PRIM1: variants seen among roughly 807,000 people sequenced by gnomAD.
PRIM1 encodes the protein DNA primase subunit 1.
A neutral mutation model predicts 60.2 loss-of-function variants in PRIM1; 38 were observed. The ratio of observed to expected loss-of-function variants is 0.63; its 90% CI spans 0.49 to 0.83. PRIM1 has a LOEUF of 0.83. Among genes scored for constraint, PRIM1 ranks in the 40% least tolerant of loss-of-function variants. The pLI is 0.00. For synonymous variants in PRIM1, 158 were observed against 160.2 expected (o/e 0.99, Z 0.10); for missense variants, 388 against 506.2 (o/e 0.77, Z 2.24).
At position 56,743,101 on chromosome 12, in the gene PRIM1, A is replaced by G. The variant is rs1374540764; in HGVS notation, c.639-5T>C. 6.6e-7 allele frequency: 1 copy of G among 1,517,694 alleles called. No homozygotes were observed. The highest frequency in any genetic ancestry group is 2.4e-5 in the Admixed American group (1 of 42,250). 94.0% of individuals were successfully genotyped at this position (1,517,694 alleles called of 1,614,324 possible). ...TTTATTATGTTTATAGATTTTCTGT[A>G]AGAACAACAATAACAACAGAGTCCC... On this transcript the variant is annotated splice_region_variant and splice_polypyrimidine_tract_variant and intron_variant, in intron 6 of 12. Transcript: ENST00000338193.
At chr12:56,731,871 G>A in intron 12 of PRIM1, 137 bp from the exon 13 acceptor site, 1 of 698,608 alleles carries the variant, frequency 1.4e-6, no homozygotes, top group Non-Finnish European at 2.3e-6. Context: ...ATTTGCTGAA[G>A]TCCACATCAT....
chr12:56,750,921 A>C, intron 2 of PRIM1, 117 bp downstream of exon 2: 1 of 626,990 alleles, frequency 1.6e-6, no homozygotes, highest in Non-Finnish European at 2.4e-6. Flanking sequence ...AACAATTAAA[A>C]AGTGGCTTTT....
intron 11 of PRIM1, among the ~76,000 whole-genome samples, chr12:56,734,661 G>A (rs1226495398): frequency 4.7e-5 from 7 of 149,876 alleles, no homozygotes; most frequent in African/African-American, 1.2e-4. Flanking sequence ...TCCCAGCCTC[G>A]GCCTCTGAAA....
intron 12 of PRIM1, among the ~76,000 whole-genome samples, chr12:56,732,248 G>C (rs1953789830): frequency 6.6e-6 from 1 of 151,958 alleles, no homozygotes; most frequent in African/African-American, 2.4e-5. Flanking sequence ...TTTCTTTCCA[G>C]TTATTATATG....
intron 12 of PRIM1, among the ~76,000 whole-genome samples, chr12:56,732,567 GC>G (rs1953791760): frequency 1.3e-5 from 2 of 151,994 alleles, no homozygotes; most frequent in South Asian, 2.1e-4. Context: ...TTCCTATTAA[GC>G]CCAAAACCAA....
At chr12:56,734,814 C>G (rs1359385077) in intron 11 of PRIM1, among the ~76,000 whole-genome samples, 1 of 127,108 alleles carries the variant, frequency 7.9e-6, no homozygotes, top group South Asian at 2.5e-4. Flanking sequence ...CATATATTTT[C>G]TTTTTTTTTT....
At chr12:56,750,062 T>C (rs566908114) in intron 2 of PRIM1, among the ~76,000 whole-genome samples, 1 of 152,116 alleles carries the variant, frequency 6.6e-6, no homozygotes, top group East Asian at 1.9e-4. Flanking sequence ...AGTATAGAAA[T>C]GGGTTTTAGG....
chr12:56,740,823 C>CT (rs1034185655), intron 9 of PRIM1, among the ~76,000 whole-genome samples: 4 of 151,008 alleles, frequency 2.6e-5, no homozygotes, highest in East Asian at 1.9e-4. Context: ...TTCTTTTTTT[C>CT]TTTTTTTTGA....
chr12:56,745,615 A>T, intron 5 of PRIM1, among the ~76,000 whole-genome samples: 1 of 152,146 alleles, frequency 6.6e-6, no homozygotes, highest in Non-Finnish European at 1.5e-5. Flanking sequence ...TATTGGTAAG[A>T]TCATTTACTC....
chr12:56,746,888 A>C, intron 3 of PRIM1, 34 bp from the exon 4 acceptor site: 3 of 1,613,088 alleles, frequency 1.9e-6, no homozygotes, highest in Non-Finnish European at 2.5e-6. Context: ...ATTGTCAGTG[A>C]TACCACCCAC....
At position 56,746,936 on chromosome 12, in the gene PRIM1, T is replaced by G. The variant is rs1331499293; in HGVS notation, c.358A>C (p.Arg120=). 1 of 1,613,634 alleles carries G rather than the reference T, an allele frequency of 6.2e-7. No homozygotes were observed. Among genetic ancestry groups the G allele is most frequent in the African/African-American group, 1.3e-5 (1 of 74,996 alleles). Residue 120 remains arginine (R), a synonymous_variant, in exon 3 of 13, where the codon AGA becomes CGA. Coordinates refer to ENST00000338193, the MANE Select transcript of PRIM1 (RefSeq NM_000946.3). ...ACACACAGTGCTCACCTACAACATC[T>G]CCTCACATCGTCATAGTCTGTCATG... The part of the protein sequence containing the change: ...IDMTDYDDVR[R]CCSSADICPK...
Position 56,734,197 on chromosome 12 carries a change from A to T in PRIM1, c.1193T>A (p.Phe398Tyr), listed in dbSNP as rs1389068270. 3.7e-6 allele frequency: 6 copies of T among 1,609,000 alleles called. No individual in the cohort carries two copies. The highest frequency in any genetic ancestry group is 5.1e-6 in the Non-Finnish European group (6 of 1,176,124). Reference protein sequence around the residue: ...LAPYVKVFEHFLENLDKSRKG... With the variant: ...LAPYVKVFEHYLENLDKSRKG... Reference sequence around the variant, plus strand: ...TCGGGATTTATCCAGATTTTCAAGAAAATGTTCAAAAACTTTCACATAAGG... The same window carrying T: ...TCGGGATTTATCCAGATTTTCAAGATAATGTTCAAAAACTTTCACATAAGG... The change falls in exon 12 of 13, where the codon TTT (phenylalanine) becomes TAT (tyrosine). Residue 398 changes from phenylalanine to tyrosine, a missense_variant. Transcript: ENST00000338193.
At chr12:56,736,298 T>TTA (rs1555228525) in intron 11 of PRIM1, among the ~76,000 whole-genome samples, 5 of 24,316 alleles carry the variant, frequency 2.1e-4, no homozygotes, top group East Asian at 1.7e-3. Flanking sequence ...ACTCTTTCTC[T>TTA]AAAAAAAAAA....
chr12:56,749,994 A>G (rs919419700), intron 2 of PRIM1, among the ~76,000 whole-genome samples: 1 of 152,122 alleles, frequency 6.6e-6, no homozygotes, highest in Non-Finnish European at 1.5e-5. Flanking sequence ...GTTTTAGTAG[A>G]CCTCACTGAG....
chr12:56,735,619 T>C (rs1023028018), intron 11 of PRIM1, among the ~76,000 whole-genome samples: 1 of 151,968 alleles, frequency 6.6e-6, no homozygotes, highest in South Asian at 2.1e-4. Context: ...CACGCCCTTT[T>C]GGAGATTATT....
In PRIM1 at chr12:56,744,109, A is replaced by C; in HGVS notation, c.594T>G (p.Val198=). Reference sequence around the variant, plus strand: ...TTTCACTTAGGTGAACTTTCTTTTTAACGTCTTGACCACCCTGAAAAATAA... The same window carrying C: ...TTTCACTTAGGTGAACTTTCTTTTTCACGTCTTGACCACCCTGAAAAATAA... ...YLSLVKGGQD[V]KKKVHLSEKI... Residue 198 remains valine (V), a synonymous_variant, in exon 6 of 13, where the codon GTT becomes GTG. Coordinates refer to ENST00000338193, the MANE Select transcript of PRIM1 (RefSeq NM_000946.3). The C allele has an allele frequency of 6.4e-7, 1 of 1,565,984 alleles. No homozygotes were observed. Among genetic ancestry groups the C allele is most frequent in the South Asian group, 1.2e-5 (1 of 85,262 alleles).
intron 12 of PRIM1, among the ~76,000 whole-genome samples, chr12:56,732,568 C>T (rs897177793): frequency 8.5e-5 from 13 of 152,120 alleles, no homozygotes; most frequent in African/African-American, 2.9e-4. Flanking sequence ...TCCTATTAAG[C>T]CCAAAACCAA....
At chr12:56,744,566 T>C (rs1188031685) in intron 5 of PRIM1, among the ~76,000 whole-genome samples, 1 of 152,148 alleles carries the variant, frequency 6.6e-6, no homozygotes. Flanking sequence ...TTTCTATGTT[T>C]AGGTATGTTT....
At chr12:56,737,399 G>A (rs1565905060) in intron 11 of PRIM1, among the ~76,000 whole-genome samples, 2 of 151,188 alleles carry the variant, frequency 1.3e-5, no homozygotes, top group African/African-American at 4.9e-5. Flanking sequence ...GCCCAGGCTG[G>A]AGTGCAATGG....
Sources: gnomAD v4.1 joint callset for allele counts (sites outside exome capture counted in the v4.1 genomes callset) on GRCh38, gnomAD v4.1.1 for gene constraint, MANE v1.5 for transcripts, NCBI Gene and HGNC (gene_info 2026-07-23, HGNC 2026-07-21) for gene names.